PLEKHA5: variants seen among roughly 807,000 people sequenced by gnomAD.
PLEKHA5 encodes the protein pleckstrin homology domain-containing family A member 5.
Under a neutral mutation model 181.9 loss-of-function variants are expected in PLEKHA5, and 55 were observed. That is an observed-to-expected ratio of 0.30 (90% CI 0.24 to 0.38). The LOEUF is 0.38. PLEKHA5 is among the 10% of genes least tolerant of loss of function. The pLI is 1.00. For missense variants in PLEKHA5, 1,432 were observed against 1,549.5 expected, an observed-to-expected ratio of 0.92 and a Z score of 1.27; for synonymous variants, 535 against 529.4, an observed-to-expected ratio of 1.01 and a Z score of -0.15.
intron 21 of PLEKHA5, among the ~76,000 whole-genome samples, chr12:19,340,002 G>T (rs1236886404): frequency 6.6e-6 from 1 of 152,090 alleles, no homozygotes; most frequent in African/African-American, 2.4e-5. Context: ...GAGTTTAGCA[G>T]CAGGCCATGA....
intron 21 of PLEKHA5, among the ~76,000 whole-genome samples, chr12:19,339,683 G>A (rs1340231712): frequency 6.6e-6 from 1 of 151,500 alleles, no homozygotes; most frequent in African/African-American, 2.4e-5. Flanking sequence ...AAGTAGTTAA[G>A]ACATTTCAAA....
intron 20 of PLEKHA5, among the ~76,000 whole-genome samples, chr12:19,323,671 C>G (rs1280992103): frequency 2.0e-5 from 3 of 151,768 alleles, no homozygotes; most frequent in African/African-American, 7.3e-5. Flanking sequence ...CAAAAATTAG[C>G]TGGGTGTGGT....
chr12:19,244,388 G>A (rs2063243918), intron 3 of PLEKHA5, among the ~76,000 whole-genome samples: 1 of 152,182 alleles, frequency 6.6e-6, no homozygotes, highest in Non-Finnish European at 1.5e-5. Flanking sequence ...GCTTTTTGCT[G>A]CATAGTTTTC....
chr12:19,200,576 C>T, intron 3 of PLEKHA5: 18 of 1,220,472 alleles, frequency 1.5e-5, no homozygotes, highest in Non-Finnish European at 1.8e-5. Context: ...TAGATCATAC[C>T]TTGGAGAAGA....
At chr12:19,257,029 T>A (rs2067058090) in intron 5 of PLEKHA5, among the ~76,000 whole-genome samples, 1 of 152,180 alleles carries the variant, frequency 6.6e-6, no homozygotes, top group Non-Finnish European at 1.5e-5. Flanking sequence ...TTTCTTTAAT[T>A]GAACCTGCAC....
chr12:19,297,955 C>T (rs2080347174), intron 15 of PLEKHA5, among the ~76,000 whole-genome samples: 2 of 151,944 alleles, frequency 1.3e-5, no homozygotes, highest in African/African-American at 2.4e-5. Context: ...CCTGTAATCC[C>T]AGCACTTTGG....
intron 15 of PLEKHA5, among the ~76,000 whole-genome samples, chr12:19,302,699 C>T (rs2081891888): frequency 6.6e-6 from 1 of 151,980 alleles, no homozygotes; most frequent in South Asian, 2.1e-4. Context: ...CCCCAGCCTA[C>T]TGGTGTAGAA....
chr12:19,185,214 C>T (rs973118770), intron 3 of PLEKHA5, among the ~76,000 whole-genome samples: 2 of 151,774 alleles, frequency 1.3e-5, no homozygotes, highest in African/African-American at 4.8e-5. Flanking sequence ...TCTGTTTCTT[C>T]TGAGAATCTA....
intron 8 of PLEKHA5, among the ~76,000 whole-genome samples, chr12:19,267,581 A>T (rs2070914147): frequency 6.6e-6 from 1 of 151,952 alleles, no homozygotes; most frequent in South Asian, 2.1e-4. Flanking sequence ...AATCACTCGA[A>T]CCTGGGAGGC....
At chr12:19,221,363 T>C (rs2058901855) in intron 3 of PLEKHA5, among the ~76,000 whole-genome samples, 1 of 152,150 alleles carries the variant, frequency 6.6e-6, no homozygotes, top group African/African-American at 2.4e-5. Flanking sequence ...GGGTCTTAAA[T>C]GCATATTGCT....
chr12:19,248,572 A>G (rs374916354), intron 3 of PLEKHA5, among the ~76,000 whole-genome samples: 3 of 152,320 alleles, frequency 2.0e-5, no homozygotes, highest in East Asian at 3.9e-4. Flanking sequence ...ATAGTATTCA[A>G]TACAGTAACA....
rs1314182774 is a variant in PLEKHA5, at chr12:19,316,143, C to T, written c.2118+1249C>T. Among the ~76,000 whole-genome samples, 7 of 151,316 alleles carry T rather than the reference C, an allele frequency of 4.6e-5. No homozygotes were observed. The East Asian group carries it at 5.9e-4, about 13-fold the overall frequency. On this transcript the variant is annotated intron_variant, in intron 16 of 31. Coordinates refer to ENST00000429027, the MANE Select transcript of PLEKHA5 (RefSeq NM_001256470.2). ...ATTATTCCAAAACTGATACCTTCTG[C>T]AGTGTCTGAAGCTGTCAGTAAAATA...
At chr12:19,280,949 G>A (rs1221115307) in intron 11 of PLEKHA5, among the ~76,000 whole-genome samples, 5 of 152,124 alleles carry the variant, frequency 3.3e-5, no homozygotes, top group South Asian at 4.2e-4. Context: ...GGCCTCAAGC[G>A]ATCTGCCTGC....
At chr12:19,173,967 A>G (rs1029946288) in intron 3 of PLEKHA5, among the ~76,000 whole-genome samples, 1 of 152,204 alleles carries the variant, frequency 6.6e-6, no homozygotes, top group Non-Finnish European at 1.5e-5. Context: ...TTTTCCACCT[A>G]CATAATTTGT....
chr12:19,137,438 A>G (rs887859423), intron 3 of PLEKHA5, among the ~76,000 whole-genome samples: 3 of 150,502 alleles, frequency 2.0e-5, no homozygotes, highest in Admixed American at 6.6e-5. Flanking sequence ...ATTTATAACA[A>G]GAGTTTTGGA....
chr12:19,326,090 C>A (rs951096921), intron 20 of PLEKHA5, among the ~76,000 whole-genome samples: 1 of 151,946 alleles, frequency 6.6e-6, no homozygotes, highest in Admixed American at 6.6e-5. Flanking sequence ...ATCCCTTTTT[C>A]TGGTTTTTGT....
At position 19,337,565 on chromosome 12, in the gene PLEKHA5, A is replaced by G. The variant is rs571472440; in HGVS notation, c.2550+949A>G. ...CTCTATCTCAAAAAAAAAAAAAAAA[A>G]AAAAGAAATAATAATACTTGTCTTA... is the stretch of plus-strand genomic sequence containing the variant. On this transcript the variant is annotated intron_variant, in intron 21 of 31. Transcript: ENST00000429027. 6.8e-3 allele frequency among the ~76,000 whole-genome samples: 1,025 copies of G among 151,688 alleles called. 4 individuals carry two copies. The highest frequency in any genetic ancestry group is 0.022 in the African/African-American group (917 of 41,426).
intron 3 of PLEKHA5, among the ~76,000 whole-genome samples, chr12:19,232,505 G>C (rs368223353): frequency 1.3e-5 from 2 of 152,198 alleles, no homozygotes; most frequent in South Asian, 2.1e-4. Context: ...CCTTAGAGGG[G>C]TAACTCGTCA....
intron 3 of PLEKHA5, among the ~76,000 whole-genome samples, chr12:19,251,106 A>AT (rs2065151931): frequency 6.6e-6 from 1 of 152,122 alleles, no homozygotes; most frequent in Non-Finnish European, 1.5e-5. Context: ...GTTATCTGAA[A>AT]TTGAGTTGAA....
Sources: allele counts gnomAD v4.1 joint callset (sites outside exome capture counted in the v4.1 genomes callset), GRCh38; gene constraint gnomAD v4.1.1; transcripts MANE v1.5; gene names NCBI Gene and HGNC (gene_info 2026-07-23, HGNC 2026-07-21).